The following XYLB variants were observed in gnomAD, a reference collection of about 807,000 sequenced individuals.
The protein encoded by XYLB is xylulose kinase.
In XYLB, 62 loss-of-function variants were observed where a neutral mutation model predicts 78.7. The observed-to-expected ratio is 0.79, with a 90% CI of 0.64 to 0.97. XYLB has a LOEUF of 0.97. XYLB is among the 50% of genes least tolerant of loss of function. The probability of loss-of-function intolerance (pLI) is 0.00; values close to 1 mark genes in which losing one functional copy is unlikely to be tolerated. For missense variants in XYLB, 687 were observed against 676.8 expected (o/e 1.02, Z -0.17); for synonymous variants, 245 against 247.4 (o/e 0.99, Z 0.09).
intron 18 of XYLB, among the ~76,000 whole-genome samples, chr3:38,411,387 G>C (rs1246057989): frequency 1.3e-5 from 2 of 152,016 alleles, no homozygotes; most frequent in Non-Finnish European, 2.9e-5. Flanking sequence ...TTGTGGGGTG[G>C]GGGGAGAGGG....
At chr3:38,404,244 T>C (rs1459710399) in intron 18 of XYLB, among the ~76,000 whole-genome samples, 1 of 152,222 alleles carries the variant, frequency 6.6e-6, no homozygotes, top group Non-Finnish European at 1.5e-5. Context: ...TGTTATCTTT[T>C]GCTTTATTTT....
At position 38,379,325 on chromosome 3, in the gene XYLB, G is replaced by T; in HGVS notation, c.1274G>T (p.Gly425Val). 1.2e-6 allele frequency: 2 copies of T among 1,614,120 alleles called. No homozygotes were observed. Among genetic ancestry groups the T allele is most frequent in the Non-Finnish European group, 1.7e-6 (2 of 1,180,026 alleles). ...QFMAKRIHAEGLGYRVMSKTK... is the reference protein window; with the variant it reads ...QFMAKRIHAEVLGYRVMSKTK... ...ATGGCCAAGAGGATTCACGCAGAAGGCCTGGGCTATCGAGTCAGTAAGTGA... is the reference window on the plus strand; with the variant it reads ...ATGGCCAAGAGGATTCACGCAGAAGTCCTGGGCTATCGAGTCAGTAAGTGA... The change falls in exon 15 of 19, where the codon GGC (glycine) becomes GTC (valine). Residue 425 changes from glycine (G) to valine (V), a missense_variant. Physicochemically the swap from Gly to Val is moderately radical, Grantham distance 109 (BLOSUM62 -3). Coordinates refer to ENST00000207870, the MANE Select transcript of XYLB (RefSeq NM_005108.4).
At chr3:38,372,368 G>A (rs1445036904) in intron 9 of XYLB, 1 of 984,988 alleles carries the variant, frequency 1.0e-6, no homozygotes, top group Non-Finnish European at 1.2e-6. Context: ...GCACAAGTTA[G>A]GGGTTGGTTT....
chr3:38,364,810 C>A (rs1486523922), intron 4 of XYLB, among the ~76,000 whole-genome samples: 1 of 152,120 alleles, frequency 6.6e-6, no homozygotes, highest in Non-Finnish European at 1.5e-5. Context: ...TCATCTGTCG[C>A]AAGCCTGGCA....
At chr3:38,399,339 C>T (rs1708027739) in intron 17 of XYLB, among the ~76,000 whole-genome samples, 1 of 151,950 alleles carries the variant, frequency 6.6e-6, no homozygotes, top group African/African-American at 2.4e-5. Context: ...TCAAGTGATC[C>T]CACCCACTTC....
chr3:38,375,015 C>G, intron 11 of XYLB, 129 bp from the exon 12 acceptor site: 1 of 719,656 alleles, frequency 1.4e-6, no homozygotes, highest in South Asian at 1.8e-5. Flanking sequence ...AGAAAGTGGC[C>G]TTGCATCTGA....
intron 2 of XYLB, among the ~76,000 whole-genome samples, chr3:38,349,881 A>G (rs540214765): frequency 2.8e-4 from 43 of 152,210 alleles, no homozygotes; most frequent in African/African-American, 1.0e-3. Flanking sequence ...CTGTATCCTA[A>G]TCTTCTTATA....
At chr3:38,348,340 C>G (rs1174156266) in intron 1 of XYLB, among the ~76,000 whole-genome samples, 2 of 152,136 alleles carry the variant, frequency 1.3e-5, no homozygotes, top group Non-Finnish European at 2.9e-5. Flanking sequence ...CCTACTTAGC[C>G]TCAGTTTCTT....
chr3:38,423,110 C>G (rs914862042), downstream of XYLB, among the ~76,000 whole-genome samples: 1 of 152,218 alleles, frequency 6.6e-6, no homozygotes, highest in East Asian at 1.9e-4. Context: ...TCTCGCTCTG[C>G]TGCCCAGGCT....
downstream of XYLB, among the ~76,000 whole-genome samples, chr3:38,418,090 G>A (rs948904895): frequency 4.0e-5 from 6 of 150,894 alleles, no homozygotes; most frequent in African/African-American, 1.2e-4. Context: ...AGCTACTCAG[G>A]AGGCTGAGAC....
intron 12 of XYLB, among the ~76,000 whole-genome samples, 159 bp from the exon 13 acceptor site, chr3:38,375,958 G>C (rs886730411): frequency 6.6e-6 from 1 of 152,172 alleles, no homozygotes; most frequent in Non-Finnish European, 1.5e-5. Context: ...ATCTGAGGAA[G>C]AGCCTCCGAT....
intron 12 of XYLB, among the ~76,000 whole-genome samples, chr3:38,375,876 T>C (rs169046): frequency 0.34 from 52,157 of 152,064 alleles, 10,269 homozygotes; most frequent in South Asian, 0.46. Flanking sequence ...GGCTCCTCTG[T>C]GTCAGCCTCC....
chr3:38,437,009 A>AAT, the XYLB span, among the ~76,000 whole-genome samples: 1 of 111,738 alleles, frequency 8.9e-6, no homozygotes, highest in South Asian at 2.8e-4. Flanking sequence ...TTCTAAAAAT[A>AAT]ATAATAATAA....
chr3:38,416,533 A>T (rs147538995), downstream of XYLB, among the ~76,000 whole-genome samples: 28 of 152,328 alleles, frequency 1.8e-4, no homozygotes, highest in East Asian at 5.2e-3. Flanking sequence ...ATTAAAAGGA[A>T]TATCAGATTG....
At chr3:38,357,955 G>A (rs919998857) in intron 2 of XYLB, among the ~76,000 whole-genome samples, 7 of 151,368 alleles carry the variant, frequency 4.6e-5, no homozygotes, top group African/African-American at 1.7e-4. Flanking sequence ...TGTTAGATAT[G>A]TGATCTCAAA....
intron 15 of XYLB, among the ~76,000 whole-genome samples, chr3:38,387,641 G>A (rs1176999142): frequency 1.3e-5 from 2 of 152,138 alleles, no homozygotes; most frequent in African/African-American, 4.8e-5. Flanking sequence ...CAAAGTGCTG[G>A]GATTACAGGC....
the XYLB span, among the ~76,000 whole-genome samples, chr3:38,442,395 A>AG: frequency 6.6e-6 from 1 of 152,232 alleles, no homozygotes; most frequent in Non-Finnish European, 1.5e-5. Flanking sequence ...AACTTGGGCC[A>AG]GTGCCTGACC....
the XYLB span, among the ~76,000 whole-genome samples, chr3:38,438,790 C>G: frequency 1.3e-5 from 2 of 152,152 alleles, no homozygotes; most frequent in African/African-American, 4.8e-5. Flanking sequence ...TGTCCCTGCC[C>G]CTGTCCTGCT....
chr3:38,406,794 T>A (rs1708341538), intron 18 of XYLB, among the ~76,000 whole-genome samples: 2 of 151,838 alleles, frequency 1.3e-5, no homozygotes, highest in South Asian at 4.2e-4. Context: ...TGATGGAAGA[T>A]GAAATGAATG....
Sources: gnomAD v4.1 joint callset for allele counts (sites outside exome capture counted in the v4.1 genomes callset) on GRCh38, gnomAD v4.1.1 for gene constraint, MANE v1.5 for transcripts, NCBI Gene and HGNC (gene_info 2026-07-23, HGNC 2026-07-21) for gene names.